The following LAMA2 variants were observed in gnomAD, a reference collection of about 807,000 sequenced individuals.
LAMA2 encodes the protein laminin subunit alpha-2.
In LAMA2, 269 loss-of-function variants were observed where a neutral mutation model predicts 364.8. The ratio of observed to expected loss-of-function variants is 0.74; its 90% CI spans 0.67 to 0.82. The LOEUF is 0.82. Ranked by LOEUF, LAMA2 falls within the 40% of genes least tolerant of loss-of-function variation. The pLI, the probability that LAMA2 is intolerant of heterozygous loss-of-function variation, is 0.00. For synonymous variants in LAMA2, 1,379 were observed against 1,370.6 expected (o/e 1.01, Z -0.14); for missense variants, 3,807 against 3,873.2 (o/e 0.98, Z 0.45).
intron 10 of LAMA2, among the ~76,000 whole-genome samples, chr6:129,180,607 G>A (rs186884970): frequency 1.7e-4 from 26 of 152,102 alleles, no homozygotes; most frequent in Non-Finnish European, 2.4e-4. Context: ...TTTCAGTTGA[G>A]GCTGTATTAT....
chr6:129,087,866 G>A (rs527515878), intron 3 of LAMA2, among the ~76,000 whole-genome samples: 1 of 149,460 alleles, frequency 6.7e-6, no homozygotes, highest in Non-Finnish European at 1.5e-5. Context: ...GGAAATAGAT[G>A]ATGATATTTC....
At chr6:129,505,724 G>A (rs1237381933) in intron 61 of LAMA2, among the ~76,000 whole-genome samples, 2 of 151,854 alleles carry the variant, frequency 1.3e-5, no homozygotes, top group Non-Finnish European at 2.9e-5. Context: ...TAGAGACGGG[G>A]GGTTTCACTG....
intron 6 of LAMA2, 32 bp from the exon 7 acceptor site, chr6:129,148,947 A>T (rs1778639329): frequency 6.9e-7 from 1 of 1,443,964 alleles, no homozygotes; most frequent in Non-Finnish European, 9.8e-7. Flanking sequence ...AAATGAGGCT[A>T]AAATTTGTGC....
intron 4 of LAMA2, among the ~76,000 whole-genome samples, chr6:129,118,026 T>A (rs4510701): frequency 0.23 from 34,645 of 152,080 alleles, 4,207 homozygotes; most frequent in African/African-American, 0.32. Context: ...TGAACCATCA[T>A]AAGAGGAGCA....
At chr6:129,286,609 T>A (rs1283618802) in intron 18 of LAMA2, among the ~76,000 whole-genome samples, 2 of 94,774 alleles carry the variant, frequency 2.1e-5, no homozygotes, top group African/African-American at 9.1e-5. Flanking sequence ...TATAATATAT[T>A]ATATTTATAT....
intron 3 of LAMA2, among the ~76,000 whole-genome samples, chr6:129,096,967 G>A (rs1375300150): frequency 6.6e-6 from 1 of 152,150 alleles, no homozygotes; most frequent in Non-Finnish European, 1.5e-5. Flanking sequence ...GTATGCATGA[G>A]TTACCATGTC....
At chr6:129,317,188 C>T (rs982372888) in intron 27 of LAMA2, among the ~76,000 whole-genome samples, 1 of 151,992 alleles carries the variant, frequency 6.6e-6, no homozygotes, top group Admixed American at 6.6e-5. Flanking sequence ...AGTTTCATAC[C>T]ATGGAGGCAG....
intron 12 of LAMA2, among the ~76,000 whole-genome samples, chr6:129,243,579 G>A (rs528840227): frequency 9.2e-5 from 14 of 152,032 alleles, no homozygotes; most frequent in African/African-American, 3.4e-4. Flanking sequence ...TACACTTGAG[G>A]CAGTATCTCT....
At chr6:129,149,675 AAGAT>A (rs1299864753) in intron 7 of LAMA2, among the ~76,000 whole-genome samples, 3 of 152,156 alleles carry the variant, frequency 2.0e-5, no homozygotes, top group African/African-American at 7.2e-5. Context: ...CCCCACCTAT[AAGAT>A]ATAAAGTCGG....
rs745361072 is a variant in LAMA2, at chr6:129,403,921, A to G, written c.5827A>G (p.Lys1943Glu). 11 of 1,613,862 alleles carry G rather than the reference A, an allele frequency of 6.8e-6. No individual in the cohort carries two copies. Among genetic ancestry groups the G allele is most frequent in the Non-Finnish European group, 9.3e-6 (11 of 1,179,890 alleles). ...DYIDEAEKVA[K>E]EAKDLAHEAT... ...TATTGATGAAGCTGAGAAAGTTGCCAAAGAAGCCAAAGATCTTGCACATGA... is the reference window on the plus strand; with the variant it reads ...TATTGATGAAGCTGAGAAAGTTGCCGAAGAAGCCAAAGATCTTGCACATGA... The change falls in exon 40 of 65, where the codon AAA (lysine) becomes GAA (glutamate). Residue 1943 changes from lysine to glutamate, a missense_variant. Around this residue, in one of 3 missense-constraint regions of LAMA2, gnomAD observed 3,333 missense variants for 3,345.7 expected, o/e 1.00. Transcript: ENST00000421865.
chr6:129,299,986 T>A (rs1335286116), intron 21 of LAMA2, among the ~76,000 whole-genome samples: 1 of 152,196 alleles, frequency 6.6e-6, no homozygotes, highest in East Asian at 1.9e-4. Flanking sequence ...TCTTAGTAGC[T>A]GGGTCAACTG....
chr6:129,039,782 T>C (rs1786954934), intron 1 of LAMA2, among the ~76,000 whole-genome samples: 1 of 152,164 alleles, frequency 6.6e-6, no homozygotes, highest in Admixed American at 6.5e-5. Context: ...GTTCACAATA[T>C]GGTTCACGTT....
Position 129,064,982 on chromosome 6 carries a change from T to C in LAMA2, c.396+5086T>C, listed in dbSNP as rs544446067. ...AAAAGTACATTACAGATCAATATTT[T>C]TGATGAACATAGATGCAAAACTCCT... On this transcript the variant is annotated intron_variant, in intron 3 of 64. Transcript: ENST00000421865. 3.3e-5 allele frequency among the ~76,000 whole-genome samples: 5 copies of C among 152,282 alleles called. No individual in the cohort carries two copies. In the East Asian group the frequency reaches 7.7e-4, roughly 23 times the overall value.
At chr6:129,063,893 T>G (rs1185910678) in intron 3 of LAMA2, among the ~76,000 whole-genome samples, 1 of 152,190 alleles carries the variant, frequency 6.6e-6, no homozygotes, top group East Asian at 1.9e-4. Context: ...AAATGATTTT[T>G]CTCTAAAGCC....
intron 15 of LAMA2, among the ~76,000 whole-genome samples, chr6:129,266,904 A>C (rs1215703944): frequency 2.0e-5 from 3 of 152,148 alleles, no homozygotes. Flanking sequence ...CATACCTGCC[A>C]ATAACACTAA....
intron 3 of LAMA2, among the ~76,000 whole-genome samples, chr6:129,076,764 C>A (rs1393909209): frequency 1.3e-5 from 2 of 151,824 alleles, no homozygotes; most frequent in African/African-American, 4.8e-5. Context: ...GTAATACATT[C>A]CCTTGTCAAA....
intron 4 of LAMA2, among the ~76,000 whole-genome samples, chr6:129,100,732 A>G (rs1775473674): frequency 6.6e-6 from 1 of 152,214 alleles, no homozygotes; most frequent in Non-Finnish European, 1.5e-5. Flanking sequence ...TAATTCTGAT[A>G]TATCATGGCA....
chr6:129,069,555 C>A (rs1761130997), intron 3 of LAMA2, among the ~76,000 whole-genome samples: 1 of 148,928 alleles, frequency 6.7e-6, no homozygotes, highest in African/African-American at 2.4e-5. Context: ...AGAGAAAATT[C>A]TTGAGTCAAA....
intron 1 of LAMA2, among the ~76,000 whole-genome samples, chr6:128,926,743 C>G (rs181081930): frequency 5.2e-4 from 79 of 152,208 alleles, no homozygotes; most frequent in Non-Finnish European, 7.6e-4. Context: ...TCTCCTCAGC[C>G]CTTTTGAAAT....
Sources: gnomAD v4.1 joint callset for allele counts (sites outside exome capture counted in the v4.1 genomes callset) on GRCh38, gnomAD v4.1.1 for gene constraint, gnomAD v4.1.1 regional missense constraint, MANE v1.5 for transcripts, NCBI Gene and HGNC (gene_info 2026-07-23, HGNC 2026-07-21) for gene names.